DNTTIP2: variants seen among roughly 807,000 people sequenced by gnomAD.
The protein encoded by DNTTIP2 is deoxynucleotidyltransferase terminal interacting protein 2.
In DNTTIP2, 47 loss-of-function variants were observed where a neutral mutation model predicts 62.4. The ratio of observed to expected loss-of-function variants is 0.75; its 90% CI spans 0.60 to 0.96. The LOEUF is 0.96. DNTTIP2 is among the 40% of genes least tolerant of loss of function. DNTTIP2 has a pLI of 0.00. For synonymous variants in DNTTIP2, 322 were observed against 300.9 expected, an observed-to-expected ratio of 1.07 and a Z score of -0.73; for missense variants, 870 against 849.1, an observed-to-expected ratio of 1.02 and a Z score of -0.31.
rs1278445009 is a variant in DNTTIP2 at position 93,870,667 on chromosome 1, A to G, written c.2177+16T>C. 6 of 1,405,940 alleles carry G rather than the reference A, an allele frequency of 4.3e-6. No homozygotes were observed. The allele number at this position is 1,405,940 out of a possible 1,614,324, so 87.1% of individuals were successfully genotyped here. ...GCAAAGTATACATATTATAAAATAA[A>G]TATGAATTCCTTTACCTTCTGAATT... On this transcript the variant is annotated intron_variant, in intron 6 of 6. Transcript: ENST00000436063.
chr1:93,876,209 T>C (rs1655997960), intron 2 of DNTTIP2, 59 bp downstream of exon 2: 7 of 1,292,392 alleles, frequency 5.4e-6, no homozygotes, highest in Non-Finnish European at 5.0e-6. Flanking sequence ...ATTTTTATGG[T>C]AAATTAACCA....
At chr1:93,875,989 G>A (rs1655991341) in intron 2 of DNTTIP2, among the ~76,000 whole-genome samples, 1 of 149,468 alleles carries the variant, frequency 6.7e-6, no homozygotes, top group African/African-American at 2.5e-5. Context: ...TTTTGAGACA[G>A]GGTCTCACTG....
intron 3 of DNTTIP2, among the ~76,000 whole-genome samples, chr1:93,874,208 G>A (rs1255118864): frequency 6.6e-6 from 1 of 152,198 alleles, no homozygotes; most frequent in African/African-American, 2.4e-5. Context: ...ATCTGGCAAT[G>A]TCTGGAGACA....
At chr1:93,870,067 A>T in intron 6 of DNTTIP2, 123 bp from the exon 7 acceptor site, 1 of 592,588 alleles carries the variant, frequency 1.7e-6, no homozygotes, top group Non-Finnish European at 3.0e-6. Context: ...ACCTCATAGC[A>T]CTTGCTTGCA....
intron 5 of DNTTIP2, 92 bp from the exon 6 acceptor site, chr1:93,870,884 G>A: frequency 1.7e-6 from 1 of 588,288 alleles, no homozygotes; most frequent in Non-Finnish European, 2.8e-6. Context: ...AGAAAGGAAT[G>A]GAAAGAACAA....
rs1340956780 is a variant in DNTTIP2 at position 93,876,482 on chromosome 1, C to T, written c.1453G>A (p.Asp485Asn). Reference sequence around the variant, plus strand: ...GTGTCAATTACAAACAATGCATTGTCACATGACAGACTTCCTGTGTCTCCA... The same window carrying T: ...GTGTCAATTACAAACAATGCATTGTTACATGACAGACTTCCTGTGTCTCCA... ...LSGDTGSLSCDNALFVIDTTP... is the reference protein window; with the variant it reads ...LSGDTGSLSCNNALFVIDTTP... The change falls in exon 2 of 7, where the codon GAC becomes AAC. Residue 485 changes from aspartate (D) to asparagine (N), a missense_variant. Transcript: ENST00000436063. The T allele has an allele frequency of 3.1e-6, 5 of 1,613,850 alleles. No individual in the cohort carries two copies. The highest frequency in any genetic ancestry group is 1.7e-5 in the Admixed American group (1 of 60,014).
In DNTTIP2 at chr1:93,869,628, C is replaced by CT. The variant is rs1655805376; in HGVS notation, c.*222dup. 5.2e-6 allele frequency: 2 copies of CT among 382,236 alleles called. No individual in the cohort carries two copies. The highest frequency in any genetic ancestry group is 9.7e-6 in the Non-Finnish European group (2 of 207,220). The allele number at this position is 382,236 out of a possible 1,614,324, so 23.7% of individuals were successfully genotyped here. A position where few individuals can be genotyped will look rare whatever the true frequency, so the allele number is the denominator to read the frequency against. ...CTTAAAATGGTTGAGATTTTTTTTCCTTTTTTCCCATAAAGAGTCTACACC... is the reference window on the plus strand; with the variant it reads ...CTTAAAATGGTTGAGATTTTTTTTCCTTTTTTTCCCATAAAGAGTCTACACC... On this transcript the variant is annotated 3_prime_UTR_variant, in exon 7 of 7. Coordinates refer to ENST00000436063, the MANE Select transcript of DNTTIP2 (RefSeq NM_014597.5).
chr1:93,870,992 A>G, intron 5 of DNTTIP2, 200 bp from the exon 6 acceptor site: 1 of 353,818 alleles, frequency 2.8e-6, no homozygotes, highest in Non-Finnish European at 5.1e-6. Context: ...TCAGTAGTTT[A>G]TAGTAGATCC....
At chr1:93,870,961 T>C (rs1026799858) in intron 5 of DNTTIP2, 169 bp from the exon 6 acceptor site, 10 of 404,924 alleles carry the variant, frequency 2.5e-5, no homozygotes, top group Non-Finnish European at 4.4e-5. Flanking sequence ...AAAAGTAGCA[T>C]AGTGGTGCTA....
intron 3 of DNTTIP2, chr1:93,873,415 G>T: frequency 3.2e-6 from 1 of 311,882 alleles, no homozygotes; most frequent in Non-Finnish European, 5.7e-6. Flanking sequence ...AACATAGCAA[G>T]ACCCTGACTG....
At position 93,877,682 on chromosome 1, in the gene DNTTIP2, C is replaced by T. The variant is rs1656048915; in HGVS notation, c.253G>A (p.Gly85Arg). Reference sequence around the variant, plus strand: ...TTTGACTCTGCCTCAGAGGTTTCTCCATCCGTAGATGGTTCAGTCCCCTTT... The same window carrying T: ...TTTGACTCTGCCTCAGAGGTTTCTCTATCCGTAGATGGTTCAGTCCCCTTT... ...LPKGTEPSTD[G>R]ETSEAESNYS... The change falls in exon 2 of 7, where the codon GGA becomes AGA. Residue 85 changes from glycine to arginine, a missense_variant. Physicochemically the swap from Gly to Arg is moderately radical, Grantham distance 125. Transcript: ENST00000436063. The T allele has an allele frequency of 6.2e-7, 1 of 1,613,892 alleles. No homozygotes were observed. Among genetic ancestry groups the T allele is most frequent in the African/African-American group, 1.3e-5 (1 of 74,922 alleles).
At chr1:93,875,081 G>A (rs1655964928) in intron 3 of DNTTIP2, among the ~76,000 whole-genome samples, 1 of 152,190 alleles carries the variant, frequency 6.6e-6, no homozygotes, top group Admixed American at 6.5e-5. Flanking sequence ...GTGACGTCAA[G>A]TACCTGAGGA....
chr1:93,871,106 A>T (rs943719209), intron 5 of DNTTIP2: 2 of 175,676 alleles, frequency 1.1e-5, no homozygotes, highest in African/African-American at 4.7e-5. Flanking sequence ...CAAATCAATG[A>T]ATTAGACACA....
rs1198657527 is a variant in DNTTIP2, at chr1:93,877,685, C to T, written c.250G>A (p.Asp84Asn). Residue 84 changes from aspartate to asparagine, a missense_variant, in exon 2 of 7, where the codon GAT (aspartate) becomes AAT (asparagine). Coordinates refer to ENST00000436063, the MANE Select transcript of DNTTIP2 (RefSeq NM_014597.5). ...SLPKGTEPST[D>N]GETSEAESNY... The stretch of plus-strand genomic sequence containing the variant: ...GACTCTGCCTCAGAGGTTTCTCCAT[C>T]CGTAGATGGTTCAGTCCCCTTTGGT... 6.2e-7 allele frequency: 1 copy of T among 1,613,964 alleles called. No individual in the cohort carries two copies. Among genetic ancestry groups the T allele is most frequent in the African/African-American group, 1.3e-5 (1 of 75,032 alleles).
In DNTTIP2 at chr1:93,877,556, T is replaced by C. The variant is rs1200660658; in HGVS notation, c.379A>G (p.Lys127Glu). The C allele has an allele frequency of 6.2e-7, 1 of 1,614,042 alleles. No homozygotes were observed. Among genetic ancestry groups the C allele is most frequent in the East Asian group, 2.2e-5 (1 of 44,884 alleles). ...TAAGACTCCTTTGTTGGAGTTACTT[T>C]CGGCTTTTTCCTAACACTGGACACT... ...SPVSSVRKKP[K>E]VTPTKESYTE... The change falls in exon 2 of 7, where the codon AAA (lysine) becomes GAA (glutamate). Residue 127 changes from lysine to glutamate, a missense_variant. Lys to Glu is a moderately conservative substitution (Grantham distance 56, BLOSUM62 1). Coordinates refer to ENST00000436063, the MANE Select transcript of DNTTIP2 (RefSeq NM_014597.5).
chr1:93,877,283 C>G lies in DNTTIP2; in HGVS notation c.652G>C (p.Asp218His). 1.2e-6 allele frequency: 2 copies of G among 1,613,666 alleles called. No individual in the cohort carries two copies. The highest frequency in any genetic ancestry group is 3.3e-4 in the Middle Eastern group (2 of 6,060). ...TCATTTCCTGGTACAATCTTACTAT[C>G]TTTCTTTTCAGTTTGTGCCTTTAAT... is the stretch of plus-strand genomic sequence containing the variant. ...RKLKAQTEKK[D>H]SKIVPGNEKQ... Residue 218 changes from aspartate to histidine, a missense_variant, in exon 2 of 7, where the codon GAT (aspartate) becomes CAT (histidine). Transcript: ENST00000436063.
At position 93,872,219 on chromosome 1, in the gene DNTTIP2, T is replaced by C; in HGVS notation, c.1920A>G (p.Thr640=). ...QKKRRKERQK[T]AGDGWFGMKA... ...TCATACCAAACCAGCCATCCCCTGC[T>C]GTTTTTTGTCGTTCTTTCTGAAATT... Residue 640 remains threonine, a synonymous_variant, in exon 5 of 7, where the codon ACA becomes ACG. Transcript: ENST00000436063. The C allele has an allele frequency of 6.2e-7, 1 of 1,613,428 alleles. No individual in the cohort carries two copies. The highest frequency in any genetic ancestry group is 8.5e-7 in the Non-Finnish European group (1 of 1,179,756).
Position 93,877,955 on chromosome 1 carries a change from A to G in DNTTIP2, c.73-93T>C, listed in dbSNP as rs1656058423. The G allele has an allele frequency of 2.8e-6, 4 of 1,440,516 alleles. No individual in the cohort carries two copies. In the Admixed American group the frequency reaches 8.5e-5, roughly 31 times the overall value. 89.2% of individuals were successfully genotyped at this position (1,440,516 alleles called of 1,614,324 possible). A position where few individuals can be genotyped will look rare whatever the true frequency, so the allele number is the denominator to read the frequency against. On this transcript the variant is annotated intron_variant, in intron 1 of 6. Transcript: ENST00000436063. ...TGACCCCAAAAGCTAAAACCCAGTAAACAAGATTACCTTTAAAACAAAAAA... is the reference window on the plus strand; with the variant it reads ...TGACCCCAAAAGCTAAAACCCAGTAGACAAGATTACCTTTAAAACAAAAAA...
rs761273486 is a variant in DNTTIP2 at position 93,869,892 on chromosome 1, C to T, written c.2230G>A (p.Ala744Thr). ...EIMAEKAANA[A>T]GKKFRKKKKF... The stretch of plus-strand genomic sequence containing the variant: ...TTCTTCTTTCGGAACTTTTTTCCTG[C>T]TGCATTTGCTGCTTTTTCAGCCATG... Residue 744 changes from alanine to threonine, a missense_variant, in exon 7 of 7, where the codon GCA (alanine) becomes ACA (threonine). Coordinates refer to ENST00000436063, the MANE Select transcript of DNTTIP2 (RefSeq NM_014597.5). 2.6e-6 allele frequency: 2 copies of T among 780,278 alleles called. No individual in the cohort carries two copies. The highest frequency in any genetic ancestry group is 2.4e-5 in the East Asian group (1 of 41,198). The allele number at this position is 780,278 out of a possible 1,614,324, so 48.3% of individuals were successfully genotyped here. A position where few individuals can be genotyped will look rare whatever the true frequency, so the allele number is the denominator to read the frequency against.
Sources: allele counts gnomAD v4.1 joint callset (sites outside exome capture counted in the v4.1 genomes callset), GRCh38; gene constraint gnomAD v4.1.1; transcripts MANE v1.5; gene names NCBI Gene and HGNC (gene_info 2026-07-23, HGNC 2026-07-21).